ADK: variants seen among roughly 807,000 people sequenced by gnomAD.
ADK encodes N6,N6-dimethyladenosine kinase.
A neutral mutation model predicts 44.7 loss-of-function variants in ADK; 24 were observed. The ratio of observed to expected loss-of-function variants is 0.54; its 90% CI spans 0.39 to 0.76. The LOEUF is 0.76. Ranked by LOEUF, ADK falls within the 30% of genes least tolerant of loss-of-function variation. The pLI, the probability that ADK is intolerant of heterozygous loss-of-function variation, is 0.00. For missense variants in ADK, 321 were observed against 425.1 expected, an observed-to-expected ratio of 0.76 and a Z score of 2.15; for synonymous variants, 128 against 142.6, an observed-to-expected ratio of 0.90 and a Z score of 0.73.
chr10:74,401,259 C>G (rs944668858), intron 6 of ADK, among the ~76,000 whole-genome samples: 1 of 152,224 alleles, frequency 6.6e-6, no homozygotes, highest in East Asian at 1.9e-4. Flanking sequence ...TATTTCCTGG[C>G]ATAGTGGTTT....
chr10:74,612,979 G>A (rs1413838339), intron 9 of ADK, among the ~76,000 whole-genome samples: 1 of 151,992 alleles, frequency 6.6e-6, no homozygotes, highest in Non-Finnish European at 1.5e-5. Flanking sequence ...TTGTTCCATT[G>A]ATCTATGTGT....
intron 2 of ADK, among the ~76,000 whole-genome samples, chr10:74,219,749 CA>C (rs1388290652): frequency 1.3e-5 from 2 of 150,908 alleles, no homozygotes; most frequent in Admixed American, 6.6e-5. Context: ...GGAAACTGAA[CA>C]ACCTGCTCCT....
At chr10:74,188,412 G>C (rs1275830376) in intron 1 of ADK, among the ~76,000 whole-genome samples, 1 of 141,170 alleles carries the variant, frequency 7.1e-6, no homozygotes, top group Admixed American at 7.6e-5. Flanking sequence ...GCAGTGGCGC[G>C]ATCTTGGCTC....
chr10:74,679,312 A>T (rs1008442283), intron 10 of ADK, among the ~76,000 whole-genome samples: 1 of 152,230 alleles, frequency 6.6e-6, no homozygotes, highest in East Asian at 1.9e-4. Flanking sequence ...CAGGGGCAAG[A>T]AAGTAAATTT....
At chr10:74,199,885 G>T (rs1009491524) in intron 1 of ADK, among the ~76,000 whole-genome samples, 1 of 151,920 alleles carries the variant, frequency 6.6e-6, no homozygotes, top group African/African-American at 2.4e-5. Context: ...TCACCTTGTT[G>T]GTCAGGATGG....
At chr10:74,222,324 C>G (rs1844342811) in intron 2 of ADK, among the ~76,000 whole-genome samples, 1 of 151,964 alleles carries the variant, frequency 6.6e-6, no homozygotes, top group Admixed American at 6.6e-5. Context: ...TCATCTCACA[C>G]CAGTTAGAAT....
intron 2 of ADK, among the ~76,000 whole-genome samples, chr10:74,215,284 T>C (rs1843968355): frequency 6.6e-6 from 1 of 152,230 alleles, no homozygotes; most frequent in Non-Finnish European, 1.5e-5. Context: ...CTTTGCATCA[T>C]TCTATGAAAG....
chr10:74,395,113 A>T (rs915702613), intron 5 of ADK, among the ~76,000 whole-genome samples: 1 of 151,954 alleles, frequency 6.6e-6, no homozygotes, highest in African/African-American at 2.4e-5. Flanking sequence ...ATCAAAGATG[A>T]CCTCTTTTTA....
At chr10:74,643,635 A>C (rs1853952969) in intron 9 of ADK, among the ~76,000 whole-genome samples, 1 of 152,156 alleles carries the variant, frequency 6.6e-6, no homozygotes, top group African/African-American at 2.4e-5. Context: ...TGCTGGTTTT[A>C]ATTTCCTGCT....
At chr10:74,528,318 T>G (rs1849140647) in intron 7 of ADK, 1 of 200,512 alleles carries the variant, frequency 5.0e-6, no homozygotes. Flanking sequence ...AGCTCAAATT[T>G]GTAAAAGACA....
At chr10:74,202,524 C>G (rs1843431575) in intron 2 of ADK, among the ~76,000 whole-genome samples, 1 of 152,184 alleles carries the variant, frequency 6.6e-6, no homozygotes, top group Non-Finnish European at 1.5e-5. Flanking sequence ...TGTTTAACTT[C>G]TAGAGAAACC....
At chr10:74,376,038 A>G (rs1322184738) in intron 4 of ADK, among the ~76,000 whole-genome samples, 1 of 152,142 alleles carries the variant, frequency 6.6e-6, no homozygotes, top group Non-Finnish European at 1.5e-5. Flanking sequence ...CGTCTAAAAA[A>G]AAAATCACCT....
At chr10:74,414,197 A>C (rs1414458894) in intron 6 of ADK, among the ~76,000 whole-genome samples, 1 of 152,220 alleles carries the variant, frequency 6.6e-6, no homozygotes, top group Non-Finnish European at 1.5e-5. Context: ...GCTTGCCATA[A>C]ACCTTCGATT....
intron 3 of ADK, among the ~76,000 whole-genome samples, chr10:74,240,089 A>AC (rs1845145674): frequency 6.6e-6 from 1 of 151,600 alleles, no homozygotes; most frequent in South Asian, 2.1e-4. Flanking sequence ...ATCTGAGCTC[A>AC]CTGCAACCTC....
intron 1 of ADK, among the ~76,000 whole-genome samples, chr10:74,152,677 C>T (rs1419090616): frequency 1.3e-5 from 2 of 152,052 alleles, no homozygotes; most frequent in Non-Finnish European, 2.9e-5. Flanking sequence ...TATTTATTAT[C>T]TTGTTGGACA....
intron 6 of ADK, among the ~76,000 whole-genome samples, chr10:74,451,668 T>G (rs186187078): frequency 6.6e-6 from 1 of 152,254 alleles, no homozygotes; most frequent in African/African-American, 2.4e-5. Context: ...GCTACTAAAG[T>G]GACTATTTGA....
intron 1 of ADK, among the ~76,000 whole-genome samples, chr10:74,183,078 C>G (rs1336026998): frequency 1.3e-5 from 2 of 152,096 alleles, no homozygotes; most frequent in Admixed American, 1.3e-4. Context: ...TCCCTACAGT[C>G]CCACCTGTAG....
At chr10:74,159,698 C>G (rs923797973) in intron 1 of ADK, among the ~76,000 whole-genome samples, 4 of 151,900 alleles carry the variant, frequency 2.6e-5, no homozygotes, top group African/African-American at 9.7e-5. Flanking sequence ...GTTCAAGCAA[C>G]TCTCCTGCCT....
At chr10:74,646,751 G>A (rs915643363) in intron 9 of ADK, among the ~76,000 whole-genome samples, 2 of 152,138 alleles carry the variant, frequency 1.3e-5, no homozygotes, top group Non-Finnish European at 2.9e-5. Context: ...AAAAATGAAG[G>A]AAAACAATAT....
Sources: allele counts gnomAD v4.1 joint callset (sites outside exome capture counted in the v4.1 genomes callset), GRCh38; gene constraint gnomAD v4.1.1; transcripts MANE v1.5; gene names NCBI Gene and HGNC (gene_info 2026-07-23, HGNC 2026-07-21).